Variants in THSD7A observed in about 807,000 individuals in gnomAD.
THSD7A encodes thrombospondin type-1 domain-containing protein 7A.
THSD7A carries 96 observed loss-of-function variants against 231.3 expected under a neutral mutation model. That is an observed-to-expected ratio of 0.41 (90% CI 0.35 to 0.49). The LOEUF is 0.49. Ranked by LOEUF, THSD7A falls within the 20% of genes least tolerant of loss-of-function variation. The probability of loss-of-function intolerance (pLI) is 0.05; values close to 1 mark genes in which losing one functional copy is unlikely to be tolerated. For synonymous variants in THSD7A, 940 were observed against 743.3 expected (o/e 1.26, Z -4.30); for missense variants, 2,290 against 2,070.2 (o/e 1.11, Z -2.06).
In THSD7A at chr7:11,483,095, C is replaced by T. The variant is rs73284774; in HGVS notation, c.1823-1113G>A. Among the ~76,000 whole-genome samples, 1,246 of 152,228 alleles carry T rather than the reference C, an allele frequency of 8.2e-3. 23 individuals carry two copies. Among genetic ancestry groups the T allele is most frequent in the African/African-American group, 0.028 (1,180 of 41,548 alleles). On this transcript the variant is annotated intron_variant, in intron 6 of 27. Coordinates refer to ENST00000423059, the MANE Select transcript of THSD7A (RefSeq NM_015204.3). ...GTGAATATATAAAAAGTGTGTGCCT[C>T]GCATTAGGCATTCAGGTGAGAAAGG...
intron 1 of THSD7A, among the ~76,000 whole-genome samples, chr7:11,674,650 A>G (rs1026243675): frequency 3.6e-4 from 55 of 152,286 alleles, no homozygotes; most frequent in African/African-American, 1.3e-3. Flanking sequence ...ATACGCCATA[A>G]TCATACTCAC....
chr7:11,411,325 G>GA lies in THSD7A; in HGVS notation c.3683-4dup. The GA allele has an allele frequency of 2.5e-6, 4 of 1,591,362 alleles. No individual in the cohort carries two copies. Among genetic ancestry groups the GA allele is most frequent in the East Asian group, 2.2e-5 (1 of 44,774 alleles). On this transcript the variant is annotated splice_polypyrimidine_tract_variant and splice_region_variant and intron_variant, in intron 18 of 27. Transcript: ENST00000423059. This position sits in a 1 kb window ranked among gnomAD's most constrained non-coding sequence, Gnocchi z 4.1. ...ACTCAGCTGACATGTACTCCAGTCTGAAAAAAAGGGAAGCCCATCAGAACA... is the reference window on the plus strand; with the variant it reads ...ACTCAGCTGACATGTACTCCAGTCTGAAAAAAAAGGGAAGCCCATCAGAACA...
At chr7:11,722,862 C>T (rs1190478057) in intron 1 of THSD7A, among the ~76,000 whole-genome samples, 1 of 151,980 alleles carries the variant, frequency 6.6e-6, no homozygotes. Flanking sequence ...AATAGGAACA[C>T]TTTTACACTG....
At chr7:11,646,667 T>G (rs2128366269) in intron 1 of THSD7A, among the ~76,000 whole-genome samples, 2 of 152,142 alleles carry the variant, frequency 1.3e-5, no homozygotes, top group East Asian at 3.9e-4. Flanking sequence ...CAGTCCGACT[T>G]GATGCTAAGG....
chr7:11,548,702 C>CA (rs537377938), intron 4 of THSD7A, among the ~76,000 whole-genome samples: 114 of 152,140 alleles, frequency 7.5e-4, no homozygotes, highest in African/African-American at 2.6e-3. Flanking sequence ...AAGGTTGGTT[C>CA]AATATACACA....
intron 1 of THSD7A, among the ~76,000 whole-genome samples, chr7:11,666,551 GTGATGGGTA>G (rs1435407705): frequency 1.3e-5 from 2 of 152,028 alleles, no homozygotes; most frequent in South Asian, 2.1e-4. Context: ...GCCTAATACA[GTGATGGGTA>G]TTGGAGACCA....
intron 1 of THSD7A, among the ~76,000 whole-genome samples, chr7:11,683,223 A>C (rs148631100): frequency 1.3e-5 from 2 of 152,166 alleles, no homozygotes; most frequent in East Asian, 3.9e-4. Context: ...AACCACACAA[A>C]TACATGGAAA....
intron 1 of THSD7A, among the ~76,000 whole-genome samples, chr7:11,703,696 C>G (rs1034221840): frequency 6.6e-6 from 1 of 151,210 alleles, no homozygotes; most frequent in Non-Finnish European, 1.5e-5. Flanking sequence ...GTACTTTGAC[C>G]TTCTCTTTTC....
chr7:11,534,500 G>A (rs1169236342), intron 6 of THSD7A, among the ~76,000 whole-genome samples: 1 of 152,156 alleles, frequency 6.6e-6, no homozygotes, highest in Non-Finnish European at 1.5e-5. Context: ...ACCAATGCCA[G>A]ATATGTGAGG....
At chr7:11,789,272 C>T (rs1783879332) in intron 1 of THSD7A, among the ~76,000 whole-genome samples, 1 of 152,020 alleles carries the variant, frequency 6.6e-6, no homozygotes, top group Non-Finnish European at 1.5e-5. Flanking sequence ...ATCAACCTGT[C>T]ATGTAGGCCG....
intron 23 of THSD7A, among the ~76,000 whole-genome samples, chr7:11,392,238 T>C (rs1417541535): frequency 6.6e-6 from 1 of 151,540 alleles, no homozygotes; most frequent in African/African-American, 2.4e-5. Flanking sequence ...GTGCAGCCCA[T>C]GGAGGGTGAG....
chr7:11,571,474 C>T (rs555003855), intron 4 of THSD7A, among the ~76,000 whole-genome samples: 20 of 152,224 alleles, frequency 1.3e-4, no homozygotes, highest in South Asian at 8.3e-4. Flanking sequence ...ATGTGCCTGG[C>T]CTTGTTCTAA....
chr7:11,754,371 G>T (rs1399919565), intron 1 of THSD7A, among the ~76,000 whole-genome samples: 4 of 152,032 alleles, frequency 2.6e-5, no homozygotes, highest in Non-Finnish European at 5.9e-5. Context: ...AAAATTCACT[G>T]AAGTGACATT....
chr7:11,553,352 C>G (rs1789712550), intron 4 of THSD7A, among the ~76,000 whole-genome samples: 1 of 152,032 alleles, frequency 6.6e-6, no homozygotes, highest in South Asian at 2.1e-4. Context: ...TTGTAAATCA[C>G]AGATCTTACC....
intron 9 of THSD7A, among the ~76,000 whole-genome samples, chr7:11,468,066 C>G (rs1018190551): frequency 1.3e-5 from 2 of 151,720 alleles, no homozygotes; most frequent in Admixed American, 6.6e-5. Flanking sequence ...AGAAAATATC[C>G]AAAATAAGGG....
At chr7:11,567,255 C>T (rs1285297573) in intron 4 of THSD7A, among the ~76,000 whole-genome samples, 1 of 152,010 alleles carries the variant, frequency 6.6e-6, no homozygotes, top group Non-Finnish European at 1.5e-5. Flanking sequence ...GAAGAGGAAG[C>T]AAGACACTTC....
intron 1 of THSD7A, among the ~76,000 whole-genome samples, chr7:11,685,919 C>A (rs905472464): frequency 2.6e-5 from 4 of 151,834 alleles, no homozygotes; most frequent in Non-Finnish European, 4.4e-5. Flanking sequence ...TTGTTTATTG[C>A]AAGTTTATCA....
chr7:11,551,299 G>C (rs147481219), intron 4 of THSD7A, among the ~76,000 whole-genome samples: 2 of 151,916 alleles, frequency 1.3e-5, no homozygotes, highest in Non-Finnish European at 2.9e-5. Context: ...ATTTCATGAC[G>C]AAGACCCCAA....
At chr7:11,399,327 A>G (rs1435069617) in intron 23 of THSD7A, among the ~76,000 whole-genome samples, 1 of 152,166 alleles carries the variant, frequency 6.6e-6, no homozygotes, top group Non-Finnish European at 1.5e-5. Context: ...TCACCGAATT[A>G]TATTCTATTT....
Sources: gnomAD v4.1 joint callset for allele counts (sites outside exome capture counted in the v4.1 genomes callset) on GRCh38, gnomAD v4.1.1 for gene constraint, Gnocchi (gnomAD v3.1) non-coding constraint, MANE v1.5 for transcripts, NCBI Gene and HGNC (gene_info 2026-07-23, HGNC 2026-07-21) for gene names.